SMAD3: variants seen among roughly 807,000 people sequenced by gnomAD.
SMAD3 encodes MAD homolog 3.
Under a neutral mutation model 51.8 loss-of-function variants are expected in SMAD3, and 12 were observed. That is an observed-to-expected ratio of 0.23 (90% confidence interval 0.15 to 0.38). The LOEUF is 0.38. Ranked by LOEUF, SMAD3 falls within the 10% of genes least tolerant of loss-of-function variation. The pLI is 1.00. For missense variants in SMAD3, 294 were observed against 565.6 expected (o/e 0.52, Z 4.87); for synonymous variants, 238 against 227.7 (o/e 1.05, Z -0.41).
intron 1 of SMAD3, among the ~76,000 whole-genome samples, chr15:67,132,701 C>A (rs1182581763): frequency 6.6e-6 from 1 of 152,178 alleles, no homozygotes; most frequent in Non-Finnish European, 1.5e-5. Context: ...GTTGCCCTCC[C>A]AGAACTGTTG....
At chr15:67,107,965 T>TCCCC (rs138958033) in intron 1 of SMAD3, among the ~76,000 whole-genome samples, 19 of 124,704 alleles carry the variant, frequency 1.5e-4, no homozygotes, top group Middle Eastern at 3.7e-3. Flanking sequence ...TGCTCTCCTC[T>TCCCC]CCCCCCCACC....
At chr15:67,162,661 C>T (rs146988031) in intron 1 of SMAD3, among the ~76,000 whole-genome samples, 355 of 152,262 alleles carry the variant, frequency 2.3e-3, no homozygotes, top group African/African-American at 8.1e-3. Flanking sequence ...TCATGATCCC[C>T]TCTCCAGTCC....
At chr15:67,119,452 G>A (rs1448846509) in intron 1 of SMAD3, among the ~76,000 whole-genome samples, 2 of 152,108 alleles carry the variant, frequency 1.3e-5, no homozygotes, top group South Asian at 2.1e-4. Context: ...GGGCCATGGC[G>A]GGGGTGGGGG....
chr15:67,172,556 A>G (rs1962780501), intron 5 of SMAD3, among the ~76,000 whole-genome samples: 1 of 152,254 alleles, frequency 6.6e-6, no homozygotes, highest in South Asian at 2.1e-4. Context: ...ATGATGGGAA[A>G]CATTTCTTGA....
intron 1 of SMAD3, chr15:67,125,703 A>C (rs1961367428): frequency 1.0e-5 from 10 of 985,504 alleles, no homozygotes; most frequent in Non-Finnish European, 1.2e-5. Context: ...TGCCCAGGGG[A>C]GCAAACGGCC....
chr15:67,175,453 G>C (rs1171542073), intron 5 of SMAD3, among the ~76,000 whole-genome samples: 1 of 152,110 alleles, frequency 6.6e-6, no homozygotes, highest in Non-Finnish European at 1.5e-5. Context: ...TAGGATGATG[G>C]GATGTTTCTT....
intron 1 of SMAD3, among the ~76,000 whole-genome samples, chr15:67,132,264 A>G (rs1199413055): frequency 6.6e-6 from 1 of 152,148 alleles, no homozygotes; most frequent in East Asian, 1.9e-4. Context: ...CATGCTGCGA[A>G]CGTCTCACCC....
chr15:67,141,258 T>C (rs1240948547), intron 1 of SMAD3, among the ~76,000 whole-genome samples: 2 of 152,246 alleles, frequency 1.3e-5, no homozygotes, highest in African/African-American at 4.8e-5. Flanking sequence ...GCACCTGTTA[T>C]GTTCAACGTA....
chr15:67,155,587 G>A (rs1421591497), intron 1 of SMAD3, among the ~76,000 whole-genome samples: 2 of 152,158 alleles, frequency 1.3e-5, no homozygotes, highest in African/African-American at 2.4e-5. Flanking sequence ...TTCCCAGAAG[G>A]TCCGATGGAA....
chr15:67,156,872 A>G (rs1962296546), intron 1 of SMAD3, among the ~76,000 whole-genome samples: 1 of 152,234 alleles, frequency 6.6e-6, no homozygotes, highest in Non-Finnish European at 1.5e-5. Flanking sequence ...AGGCAGAGAC[A>G]TACAATGGCA....
intron 1 of SMAD3, among the ~76,000 whole-genome samples, chr15:67,081,447 G>A (rs74019895): frequency 0.015 from 2,234 of 152,166 alleles, 48 homozygotes; most frequent in African/African-American, 0.051. Context: ...CCCTTCCGTC[G>A]TGAGTCCATC....
chr15:67,107,660 A>G (rs1254923658), intron 1 of SMAD3, among the ~76,000 whole-genome samples: 3 of 152,036 alleles, frequency 2.0e-5, no homozygotes, highest in Admixed American at 6.5e-5. Flanking sequence ...TATTGCATGG[A>G]CAGGGCCTCC....
intron 1 of SMAD3, among the ~76,000 whole-genome samples, chr15:67,157,519 C>T (rs1366909696): frequency 6.6e-6 from 1 of 152,216 alleles, no homozygotes; most frequent in Non-Finnish European, 1.5e-5. Flanking sequence ...GCCGTTTCTG[C>T]GTGCTCACAT....
chr15:67,162,364 G>C (rs1367195030), intron 1 of SMAD3, among the ~76,000 whole-genome samples: 1 of 152,090 alleles, frequency 6.6e-6, no homozygotes, highest in Non-Finnish European at 1.5e-5. Flanking sequence ...TCCTAGGATG[G>C]GCCTCCTTGA....
intron 1 of SMAD3, among the ~76,000 whole-genome samples, chr15:67,112,693 T>G (rs1237752358): frequency 7.5e-6 from 1 of 133,828 alleles, no homozygotes; most frequent in East Asian, 2.9e-4. Flanking sequence ...GCTTTTTGTG[T>G]TGTATCTAAG....
chr15:67,075,962 TTG>T (rs2140199236), intron 1 of SMAD3, among the ~76,000 whole-genome samples: 1 of 152,246 alleles, frequency 6.6e-6, no homozygotes, highest in East Asian at 1.9e-4. Flanking sequence ...ATCAAGTACT[TTG>T]CCAGTATCGA....
chr15:67,135,252 A>G (rs62006053), intron 1 of SMAD3, among the ~76,000 whole-genome samples: 20,912 of 152,158 alleles, frequency 0.14, 1,471 homozygotes, highest in Non-Finnish European at 0.15. Flanking sequence ...GGTAAGAAAG[A>G]TAAGCTCCAG....
Position 67,191,626 on chromosome 15 carries a change from G to A in SMAD3, c.*1090G>A, listed in dbSNP as rs1176736424. On this transcript the variant is annotated 3_prime_UTR_variant, in exon 9 of 9. Coordinates refer to ENST00000327367, the MANE Select transcript of SMAD3 (RefSeq NM_005902.4). ...GCTTCTCTCCCTTCTCTCTCCTGAG[G>A]TGAAGCTTTTCCAGGTTTTGTTGAA... 8.6e-6 allele frequency: 2 copies of A among 233,098 alleles called. No homozygotes were observed. Among genetic ancestry groups the A allele is most frequent in the Non-Finnish European group, 1.7e-5 (2 of 117,916 alleles). 14.4% of individuals were successfully genotyped at this position (233,098 alleles called of 1,614,324 possible). A position where few individuals can be genotyped will look rare whatever the true frequency, so the allele number is the denominator to read the frequency against.
intron 1 of SMAD3, among the ~76,000 whole-genome samples, chr15:67,140,315 C>T (rs1961784763): frequency 6.6e-6 from 1 of 152,204 alleles, no homozygotes; most frequent in African/African-American, 2.4e-5. Flanking sequence ...GTGGTGATAG[C>T]TTAGTTCTCA....
Sources: allele counts gnomAD v4.1 joint callset (sites outside exome capture counted in the v4.1 genomes callset), GRCh38; gene constraint gnomAD v4.1.1; transcripts MANE v1.5; gene names NCBI Gene and HGNC (gene_info 2026-07-23, HGNC 2026-07-21).